Variants in RNF213 observed in about 807,000 individuals in gnomAD.
RNF213 encodes ring finger protein 213, also known as E3 ubiquitin-protein ligase RNF213.
In RNF213, 341 loss-of-function variants were observed where a neutral mutation model predicts 514.4. That is an observed-to-expected ratio of 0.66 (90% CI 0.61 to 0.73). The LOEUF (loss-of-function observed/expected upper bound fraction) is 0.73, where lower values mean the gene tolerates loss of function less well. RNF213 is among the 30% of genes least tolerant of loss of function. RNF213 has a pLI of 0.00. For missense variants in RNF213, 5,767 were observed against 6,615.6 expected (o/e 0.87, Z 4.45); for synonymous variants, 2,655 against 2,658.2 (o/e 1.00, Z 0.04).
intron 15 of RNF213, among the ~76,000 whole-genome samples, chr17:80,314,394 A>C (rs1374002193): frequency 1.7e-3 from 2 of 1,200 alleles, no homozygotes; most frequent in African/African-American, 2.6e-3. Context: ...GGTGGAGGTA[A>C]TGGAGGTGGT....
rs2079782049 is a variant in RNF213 at position 80,376,908 on chromosome 17, A to C, written c.13455A>C (p.Glu4485Asp). 2 of 1,614,152 alleles carry C rather than the reference A, an allele frequency of 1.2e-6. No homozygotes were observed. Among genetic ancestry groups the C allele is most frequent in the African/African-American group, 2.7e-5 (2 of 75,050 alleles). ...MAHAFLPTMP[E>D]DLLAQARRWK... ...ATGCTTTTCTTCCAACCATGCCTGAAGACTTGCTGGCTCAAGCTCGGAGGT... is the reference window on the plus strand; with the variant it reads ...ATGCTTTTCTTCCAACCATGCCTGACGACTTGCTGGCTCAAGCTCGGAGGT... The change falls in exon 53 of 68, where the codon GAA (glutamate) becomes GAC (aspartate). Residue 4485 changes from glutamate (E) to aspartate (D), a missense_variant. Glu to Asp is a conservative substitution (Grantham distance 45). Coordinates refer to ENST00000582970, the MANE Select transcript of RNF213 (RefSeq NM_001256071.3).
intron 44 of RNF213, among the ~76,000 whole-genome samples, chr17:80,369,288 C>T (rs2079411345): frequency 1.3e-5 from 2 of 151,758 alleles, no homozygotes; most frequent in Admixed American, 6.6e-5. Context: ...ATCCCAGCTA[C>T]TTGGGAGGCT....
In RNF213 at chr17:80,389,845, G is replaced by C. The variant is rs779934227; in HGVS notation, c.15213G>C (p.Gln5071His). 1 of 1,614,088 alleles carries C rather than the reference G, an allele frequency of 6.2e-7. No individual in the cohort carries two copies. Among genetic ancestry groups the C allele is most frequent in the Non-Finnish European group, 8.5e-7 (1 of 1,180,028 alleles). ...TTCTGCAGGCCTTAAACAGATGCCA[G>C]TTAAAACACACCATTGCCCTCTGGC... ...IHVLKALNRC[Q>H]LKHTIALWQF... Residue 5071 changes from glutamine to histidine, a missense_variant, in exon 66 of 68, where the codon CAG becomes CAC. By Grantham distance (24) the Gln-to-His change is conservative. This residue lies in a region of RNF213 where 1,245 missense variants were observed against 1,339.0 expected (regional missense o/e 0.93). Transcript: ENST00000582970.
rs371811198 is a variant in RNF213 at position 80,346,948 on chromosome 17, C to T, written c.8613C>T (p.Asp2871=). 103 of 1,613,858 alleles carry T rather than the reference C, an allele frequency of 6.4e-5. No homozygotes were observed. The highest frequency in any genetic ancestry group is 1.6e-4 in the Middle Eastern group (1 of 6,062). ...HPLLEDGCIE[D]DPAPHKKVGF... The stretch of plus-strand genomic sequence containing the variant: ...TGCTGGAAGACGGATGCATTGAAGA[C>T]GATCCCGCCCCCCACAAAAAGGTCG... Residue 2871 remains aspartate (D), a synonymous_variant, in exon 29 of 68, where the codon GAC becomes GAT. Coordinates refer to ENST00000582970, the MANE Select transcript of RNF213 (RefSeq NM_001256071.3). This position sits in a 1 kb window ranked among gnomAD's most constrained non-coding sequence, Gnocchi z 8.1.
intron 17 of RNF213, chr17:80,320,965 G>T (rs116626383): frequency 2.0e-5 from 3 of 152,116 alleles, no homozygotes; most frequent in African/African-American, 4.8e-5. Context: ...TCAACCTGGG[G>T]GACAGAGCAA....
chr17:80,292,393 G>C (rs1223081392), intron 8 of RNF213, among the ~76,000 whole-genome samples: 4 of 152,198 alleles, frequency 2.6e-5, no homozygotes, highest in Non-Finnish European at 5.9e-5. Flanking sequence ...TTAAGGGAAA[G>C]GAGAGAAAAC....
At chr17:80,342,329 G>A (rs1364702610) in intron 26 of RNF213, among the ~76,000 whole-genome samples, 1 of 152,126 alleles carries the variant, frequency 6.6e-6, no homozygotes, top group African/African-American at 2.4e-5. Flanking sequence ...TAAGTGGCGC[G>A]GGACTCTGCT....
At chr17:80,308,365 C>T (rs771824327) in intron 13 of RNF213, among the ~76,000 whole-genome samples, 1 of 152,084 alleles carries the variant, frequency 6.6e-6, no homozygotes, top group Non-Finnish European at 1.5e-5. Context: ...CATCAACTCT[C>T]CTCTTAAGCT....
rs1326011429 is a variant in RNF213, at chr17:80,287,262, G to A, written c.262-553G>A. ...TGTAATCCCAGGACCTTGGGAGGCC[G>A]AGATGGGCAGATTGCCTGAGCCTGA... On this transcript the variant is annotated intron_variant, in intron 3 of 67. Transcript: ENST00000582970. Among the ~76,000 whole-genome samples, 102 of 152,188 alleles carry A rather than the reference G, an allele frequency of 6.7e-4. 2 individuals carry two copies. Among genetic ancestry groups the A allele is most frequent in the Admixed American group, 6.5e-3 (100 of 15,270 alleles).
Position 80,353,431 on chromosome 17 carries a change from C to G in RNF213, c.10424-81C>G. On this transcript the variant is annotated intron_variant, in intron 33 of 67. Transcript: ENST00000582970. The surrounding 1 kb of genome is among the most constrained non-coding windows in gnomAD (Gnocchi z 5.0). ...GAAGCCTGCACTCGGAGGCTGAGCA[C>G]ACAGACTCCCAGATGGCACCGCTGC... 1 of 1,492,862 alleles carries G rather than the reference C, an allele frequency of 6.7e-7. No homozygotes were observed. The highest frequency in any genetic ancestry group is 9.1e-7 in the Non-Finnish European group (1 of 1,093,684). The allele number at this position is 1,492,862 out of a possible 1,614,324, so 92.5% of individuals were successfully genotyped here.
rs935632394 is a variant in RNF213 at position 80,387,057 on chromosome 17, C to T, written c.14922+166C>T. ...GAGGCCACCACGCCACCTGTATCTC[C>T]GGGCCGCAGGGCTCTCCTGAGCCCT... is the stretch of plus-strand genomic sequence containing the variant. On this transcript the variant is annotated intron_variant, in intron 63 of 67. Coordinates refer to ENST00000582970, the MANE Select transcript of RNF213 (RefSeq NM_001256071.3). Among the ~76,000 whole-genome samples, 20 of 152,364 alleles carry T rather than the reference C, an allele frequency of 1.3e-4. No individual in the cohort carries two copies. The East Asian group carries it at 1.5e-3, about 12-fold the overall frequency.
intron 2 of RNF213, 137 bp from the exon 3 acceptor site, chr17:80,273,104 G>A (rs2043880894): frequency 6.0e-6 from 7 of 1,173,044 alleles, no homozygotes; most frequent in Non-Finnish European, 7.6e-6. Flanking sequence ...CCCTGCTCAT[G>A]TTAGCAGGCC....
At chr17:80,293,322 A>G (rs2044807631) in intron 8 of RNF213, among the ~76,000 whole-genome samples, 1 of 152,062 alleles carries the variant, frequency 6.6e-6, no homozygotes, top group Non-Finnish European at 1.5e-5. Context: ...TTGGCCTCCC[A>G]AAGTGCTGGG....
At chr17:80,276,738 G>A (rs1314286323) in intron 3 of RNF213, among the ~76,000 whole-genome samples, 1 of 152,090 alleles carries the variant, frequency 6.6e-6, no homozygotes, top group African/African-American at 2.4e-5. Context: ...CAGCAAGGCA[G>A]TTGATCCAAA....
Position 80,363,592 on chromosome 17 carries a change from G to C in RNF213, c.11569-17G>C. On this transcript the variant is annotated splice_polypyrimidine_tract_variant and intron_variant, in intron 40 of 67. Coordinates refer to ENST00000582970, the MANE Select transcript of RNF213 (RefSeq NM_001256071.3). The stretch of plus-strand genomic sequence containing the variant: ...GAGGGGCACCGCTCAGCCACGCCCT[G>C]CTGTCCGTCTCCCCAGACCCTGGAC... 6.2e-7 allele frequency: 1 copy of C among 1,612,734 alleles called. No individual in the cohort carries two copies. Among genetic ancestry groups the C allele is most frequent in the Non-Finnish European group, 8.5e-7 (1 of 1,179,990 alleles).
In RNF213 at chr17:80,347,788, T is replaced by C. The variant is rs561939481; in HGVS notation, c.9453T>C (p.Ile3151=). Reference sequence around the variant, plus strand: ...ACCCCAACTTCCGCCTGATTGTCATTGAAGAGAAAGACGTCGTGTACAAAC... The same window carrying C: ...ACCCCAACTTCCGCCTGATTGTCATCGAAGAGAAAGACGTCGTGTACAAAC... ...RVHPNFRLIV[I]EEKDVVYKHF... is the part of the protein sequence containing the mutation. Residue 3151 remains isoleucine (I), a synonymous_variant, in exon 29 of 68, where the codon ATT becomes ATC. Coordinates refer to ENST00000582970, the MANE Select transcript of RNF213 (RefSeq NM_001256071.3). This position sits in a 1 kb window ranked among gnomAD's most constrained non-coding sequence, Gnocchi z 7.2. 26 of 1,614,062 alleles carry C rather than the reference T, an allele frequency of 1.6e-5. No homozygotes were observed. The highest frequency in any genetic ancestry group is 2.2e-5 in the Non-Finnish European group (26 of 1,180,058).
chr17:80,308,568 G>A (rs1311219252), intron 13 of RNF213, among the ~76,000 whole-genome samples: 1 of 151,984 alleles, frequency 6.6e-6, no homozygotes, highest in Non-Finnish European at 1.5e-5. Flanking sequence ...TCCCTGCTCT[G>A]TCCATGTGTC....
chr17:80,352,246 G>A lies in RNF213; in HGVS notation c.10303+443G>A, dbSNP rs1431732262. 8 of 195,848 alleles carry A rather than the reference G, an allele frequency of 4.1e-5. No homozygotes were observed. In the Admixed American group the frequency reaches 4.2e-4, roughly 10 times the overall value. 12.1% of individuals were successfully genotyped at this position (195,848 alleles called of 1,614,324 possible). ...ATTAGAATATTATTGTTAACCTCAA[G>A]AGGATTCTTTCCAGATGCAATTAGA... On this transcript the variant is annotated intron_variant, in intron 32 of 67. Coordinates refer to ENST00000582970, the MANE Select transcript of RNF213 (RefSeq NM_001256071.3).
intron 26 of RNF213, among the ~76,000 whole-genome samples, chr17:80,342,260 T>C (rs753613127): frequency 6.6e-6 from 1 of 152,220 alleles, no homozygotes; most frequent in Middle Eastern, 3.2e-3. Flanking sequence ...AGGCACACTC[T>C]GATGTTCACA....
Sources: gnomAD v4.1 joint callset for allele counts (sites outside exome capture counted in the v4.1 genomes callset) on GRCh38, gnomAD v4.1.1 for gene constraint, gnomAD v4.1.1 regional missense constraint, Gnocchi (gnomAD v3.1) non-coding constraint, MANE v1.5 for transcripts, NCBI Gene and HGNC (gene_info 2026-07-23, HGNC 2026-07-21) for gene names.